ZNF804A: variants seen among roughly 807,000 people sequenced by gnomAD.
ZNF804A encodes zinc finger protein 804A.
A neutral mutation model predicts 16.5 loss-of-function variants in ZNF804A; 2 were observed. The ratio of observed to expected loss-of-function variants is 0.12; its 90% confidence interval spans 0.05 to 0.38. ZNF804A has a LOEUF of 0.38. ZNF804A is among the 10% of genes least tolerant of loss of function. The pLI, the probability that ZNF804A is intolerant of heterozygous loss-of-function variation, is 0.99. For synonymous variants in ZNF804A, 534 were observed against 489.6 expected (o/e 1.09, Z -1.20); for missense variants, 1,473 against 1,390.7 (o/e 1.06, Z -0.94).
chr2:184,835,664 G>GAAAA (rs112941339), intron 1 of ZNF804A, among the ~76,000 whole-genome samples: 1,406 of 137,516 alleles, frequency 0.01, 20 homozygotes, highest in African/African-American at 0.037. Context: ...AGGAAGGCAT[G>GAAAA]AAAAAAAAAA....
intron 1 of ZNF804A, among the ~76,000 whole-genome samples, chr2:184,836,292 C>G (rs6722711): frequency 0.99 from 150,335 of 152,218 alleles, 74,265 homozygotes; most frequent in South Asian, 1. Context: ...TAAAAGCAAG[C>G]AGTTTCCTAA....
chr2:184,635,845 G>A (rs913812224), intron 1 of ZNF804A, among the ~76,000 whole-genome samples: 5 of 152,108 alleles, frequency 3.3e-5, no homozygotes, highest in Non-Finnish European at 7.4e-5. Flanking sequence ...TCATTGACTA[G>A]TTGATAGATA....
chr2:184,852,587 T>C (rs553619123), intron 1 of ZNF804A, among the ~76,000 whole-genome samples: 1 of 151,468 alleles, frequency 6.6e-6, no homozygotes, highest in Admixed American at 6.6e-5. Flanking sequence ...GTGTCAGGGC[T>C]TATGCTTAAG....
At chr2:184,768,397 G>C (rs940109971) in intron 1 of ZNF804A, among the ~76,000 whole-genome samples, 1 of 151,986 alleles carries the variant, frequency 6.6e-6, no homozygotes, top group Non-Finnish European at 1.5e-5. Context: ...TGGACTTTAT[G>C]AAACATTGAA....
rs1691558919 is a variant in ZNF804A, at chr2:184,629,064, GA to G, written c.111+29997del. Reference sequence around the variant, plus strand: ...TTTCCCTAATTTGTGAAAAGTGTTAGAAATGTCTTTTGCCTGTTGACATTGT... The same window carrying G: ...TTTCCCTAATTTGTGAAAAGTGTTAGAATGTCTTTTGCCTGTTGACATTGT... On this transcript the variant is annotated intron_variant, in intron 1 of 3. Coordinates refer to ENST00000302277, the MANE Select transcript of ZNF804A (RefSeq NM_194250.2). 2.0e-5 allele frequency among the ~76,000 whole-genome samples: 3 copies of G among 152,094 alleles called. No individual in the cohort carries two copies. In the South Asian group the frequency reaches 6.2e-4, roughly 32 times the overall value.
At chr2:184,919,630 C>A (rs1478178428) in intron 2 of ZNF804A, among the ~76,000 whole-genome samples, 1 of 152,150 alleles carries the variant, frequency 6.6e-6, no homozygotes, top group Non-Finnish European at 1.5e-5. Context: ...TTCTTGTTAC[C>A]AATTTTTAAA....
chr2:184,693,929 C>CTTTT lies in ZNF804A; in HGVS notation c.111+94876_111+94879dup, dbSNP rs34131171. On this transcript the variant is annotated intron_variant, in intron 1 of 3. Transcript: ENST00000302277. ...AAATCGATGATGCAACTAACTTAGT[C>CTTTT]TTTTTTTTTTTTTTTTTTTTGACGG... 1.3e-3 allele frequency among the ~76,000 whole-genome samples: 157 copies of CTTTT among 121,212 alleles called. 1 individual carries two copies. Among genetic ancestry groups the CTTTT allele is most frequent in the African/African-American group, 4.7e-3 (151 of 32,250 alleles). The allele number at this position is 121,212 out of a possible 152,430, so 79.5% of individuals were successfully genotyped here.
chr2:184,930,901 C>G (rs1234671319), intron 2 of ZNF804A, among the ~76,000 whole-genome samples: 1 of 152,100 alleles, frequency 6.6e-6, no homozygotes, highest in East Asian at 1.9e-4. Context: ...TAAAGACATA[C>G]CAGAAACTGG....
intron 1 of ZNF804A, among the ~76,000 whole-genome samples, chr2:184,754,170 T>C (rs1693919632): frequency 6.6e-6 from 1 of 151,824 alleles, no homozygotes; most frequent in Non-Finnish European, 1.5e-5. Flanking sequence ...GTCCACAGCT[T>C]ACCTCAATAA....
intron 1 of ZNF804A, among the ~76,000 whole-genome samples, chr2:184,840,233 C>A (rs1695415420): frequency 6.6e-6 from 1 of 152,030 alleles, no homozygotes; most frequent in African/African-American, 2.4e-5. Flanking sequence ...CACTAAAAAA[C>A]ACAAAAATTA....
chr2:184,856,254 G>T (rs1181751208), intron 1 of ZNF804A, among the ~76,000 whole-genome samples: 1 of 151,896 alleles, frequency 6.6e-6, no homozygotes, highest in East Asian at 1.9e-4. Flanking sequence ...AATGATTCTG[G>T]AGGAAACATT....
At chr2:184,705,910 A>ATGGTAG (rs1693023574) in intron 1 of ZNF804A, among the ~76,000 whole-genome samples, 2 of 152,080 alleles carry the variant, frequency 1.3e-5, no homozygotes, top group Non-Finnish European at 2.9e-5. Context: ...CTACCATGGC[A>ATGGTAG]CCTTTTTTTA....
At chr2:184,796,491 A>G (rs1694630809) in intron 1 of ZNF804A, among the ~76,000 whole-genome samples, 1 of 152,072 alleles carries the variant, frequency 6.6e-6, no homozygotes, top group South Asian at 2.1e-4. Context: ...CATCTCTTCT[A>G]GGTTTTCTAG....
At chr2:184,747,539 C>T (rs1693809147) in intron 1 of ZNF804A, among the ~76,000 whole-genome samples, 1 of 150,836 alleles carries the variant, frequency 6.6e-6, no homozygotes, top group African/African-American at 2.4e-5. Flanking sequence ...TGTTCTTCTA[C>T]TTAATATAAG....
intron 1 of ZNF804A, among the ~76,000 whole-genome samples, chr2:184,678,395 C>G (rs1340818448): frequency 6.6e-6 from 1 of 151,996 alleles, no homozygotes; most frequent in Admixed American, 6.6e-5. Flanking sequence ...TATTATCATG[C>G]TTATTTTTAT....
At chr2:184,925,140 C>T (rs1685590440) in intron 2 of ZNF804A, among the ~76,000 whole-genome samples, 1 of 151,932 alleles carries the variant, frequency 6.6e-6, no homozygotes, top group Non-Finnish European at 1.5e-5. Flanking sequence ...ATGTTAAAGT[C>T]TCTCCAGCTG....
In ZNF804A at chr2:184,603,056, G is replaced by A. The variant is rs936341232; in HGVS notation, c.111+3986G>A. Among the ~76,000 whole-genome samples the A allele has an allele frequency of 5.4e-4, 82 of 151,874 alleles. 5 individuals carry two copies. Among genetic ancestry groups the A allele is most frequent in the Non-Finnish European group, 4.4e-5 (3 of 67,948 alleles). ...CATGCAAATATCACTCATTTCTGTC[G>A]GACCTAAATGCCTTGTTTCTGTAGG... is the stretch of plus-strand genomic sequence containing the variant. On this transcript the variant is annotated intron_variant, in intron 1 of 3. Coordinates refer to ENST00000302277, the MANE Select transcript of ZNF804A (RefSeq NM_194250.2).
intron 1 of ZNF804A, among the ~76,000 whole-genome samples, chr2:184,672,804 C>G (rs1279463757): frequency 6.6e-6 from 1 of 151,908 alleles, no homozygotes; most frequent in African/African-American, 2.4e-5. Flanking sequence ...TGCAGTGGCA[C>G]AGTCTCAGCT....
chr2:184,883,900 G>T (rs761566543), intron 2 of ZNF804A, among the ~76,000 whole-genome samples: 4 of 152,000 alleles, frequency 2.6e-5, no homozygotes, highest in Non-Finnish European at 5.9e-5. Flanking sequence ...AGAAGACAAG[G>T]ATGCACTCAC....
Sources: gnomAD v4.1 joint callset for allele counts (sites outside exome capture counted in the v4.1 genomes callset) on GRCh38, gnomAD v4.1.1 for gene constraint, MANE v1.5 for transcripts, NCBI Gene and HGNC (gene_info 2026-07-23, HGNC 2026-07-21) for gene names.